HIPK2: variants seen among roughly 807,000 people sequenced by gnomAD.
HIPK2 encodes homeodomain interacting protein kinase 2, also known as homeodomain-interacting protein kinase 2.
HIPK2 carries 27 observed loss-of-function variants against 113.7 expected under a neutral mutation model. That is an observed-to-expected ratio of 0.24 (90% CI 0.17 to 0.33). The LOEUF is 0.33. Among genes scored for constraint, HIPK2 ranks in the 10% least tolerant of loss-of-function variants. The pLI is 1.00. For synonymous variants in HIPK2, 631 were observed against 642.2 expected (o/e 0.98, Z 0.26); for missense variants, 1,257 against 1,588.0 (o/e 0.79, Z 3.54).
Position 139,565,279 on chromosome 7 carries a change from ATTAG to A in HIPK2, c.*7644_*7647del, listed in dbSNP as rs1279178342. On this transcript the variant is annotated 3_prime_UTR_variant, in exon 15 of 15. Coordinates refer to ENST00000406875, the MANE Select transcript of HIPK2 (RefSeq NM_022740.5). ...AAACCAACCAGGATCTCAAACTCCG[ATTAG>A]TTAGGTTTGCTTCCAATGGAGTTAA... 6.6e-6 allele frequency: 1 copy of A among 152,162 alleles called. No individual in the cohort carries two copies. Among genetic ancestry groups the A allele is most frequent in the Non-Finnish European group, 1.5e-5 (1 of 68,026 alleles). 9.4% of individuals were successfully genotyped at this position (152,162 alleles called of 1,614,324 possible). A position where few individuals can be genotyped will look rare whatever the true frequency, so the allele number is the denominator to read the frequency against.
Position 139,596,755 on chromosome 7 carries a change from G to C in HIPK2, c.2679C>G (p.Asp893Glu). 1 of 1,613,436 alleles carries C rather than the reference G, an allele frequency of 6.2e-7. No individual in the cohort carries two copies. Among genetic ancestry groups the C allele is most frequent in the South Asian group, 1.1e-5 (1 of 91,078 alleles). The change falls in exon 12 of 15, where the codon GAC becomes GAG. Residue 893 changes from aspartate (D) to glutamate (E), a missense_variant. Asp to Glu is a conservative substitution (Grantham distance 45, BLOSUM62 2). Coordinates refer to ENST00000406875, the MANE Select transcript of HIPK2 (RefSeq NM_022740.5). ...PTVSVITISS[D>E]TDEEEEQKHA... Reference sequence around the variant, plus strand: ...GTTTCTGTTCCTCCTCCTCGTCCGTGTCACTGCTGATGGTGATGACGCTGA... The same window carrying C: ...GTTTCTGTTCCTCCTCCTCGTCCGTCTCACTGCTGATGGTGATGACGCTGA...
intron 11 of HIPK2, 130 bp downstream of exon 11, chr7:139,600,287 G>C: frequency 9.3e-7 from 1 of 1,073,668 alleles, no homozygotes; most frequent in Non-Finnish European, 1.3e-6. Context: ...GTCACTGCAG[G>C]AAGAGGAGTG....
rs760198380 is a variant in HIPK2 at position 139,596,832 on chromosome 7, G to A, written c.2602C>T (p.Arg868Trp). Reference sequence around the variant, plus strand: ...ACAATTGTCTGCCGCTGCCGTTCCCGGGTGGTGCTGGAGGCCACGTCGCCC... The same window carrying A: ...ACAATTGTCTGCCGCTGCCGTTCCCAGGTGGTGCTGGAGGCCACGTCGCCC... ...GWGDVASSTT[R>W]ERQRQTIVIP... Residue 868 changes from arginine to tryptophan, a missense_variant, in exon 12 of 15, where the codon CGG becomes TGG. By Grantham distance (101) the Arg-to-Trp change is moderately radical. Coordinates refer to ENST00000406875, the MANE Select transcript of HIPK2 (RefSeq NM_022740.5). The A allele has an allele frequency of 4.6e-5, 75 of 1,613,944 alleles. No individual in the cohort carries two copies. The East Asian group carries it at 1.4e-3, about 30-fold the overall frequency.
At chr7:139,678,403 A>G (rs1802579859) in intron 2 of HIPK2, among the ~76,000 whole-genome samples, 1 of 152,268 alleles carries the variant, frequency 6.6e-6, no homozygotes, top group African/African-American at 2.4e-5. Flanking sequence ...ATGGCTAGCC[A>G]GTTTTCCCAA....
chr7:139,707,289 AAC>A (rs1425049450), intron 2 of HIPK2, among the ~76,000 whole-genome samples: 1 of 152,244 alleles, frequency 6.6e-6, no homozygotes, highest in African/African-American at 2.4e-5. Context: ...TCTGTCCCGG[AAC>A]AAGGGCCACA....
chr7:139,708,312 T>A (rs1490213817), intron 2 of HIPK2, among the ~76,000 whole-genome samples: 1 of 152,174 alleles, frequency 6.6e-6, no homozygotes, highest in Non-Finnish European at 1.5e-5. Flanking sequence ...CCCGAACCCA[T>A]CAAGTCATGG....
intron 2 of HIPK2, 39 bp downstream of exon 2, chr7:139,715,893 G>T: frequency 1.3e-6 from 2 of 1,588,950 alleles, no homozygotes; most frequent in Non-Finnish European, 1.7e-6. Context: ...AGTGCCACTG[G>T]GCATTCAGCA....
chr7:139,583,183 T>C (rs999944533), intron 13 of HIPK2, among the ~76,000 whole-genome samples: 6 of 152,236 alleles, frequency 3.9e-5, no homozygotes, highest in African/African-American at 1.2e-4. Context: ...GCTAAATAGA[T>C]GCTACAAAAT....
In HIPK2 at chr7:139,562,234, C is replaced by T. The variant is rs1797968757; in HGVS notation, c.*10693G>A. ...TAACATGGATTAACACTTTTTATTA[C>T]AGAAACCGTACGGTGAAGGAACACA... On this transcript the variant is annotated 3_prime_UTR_variant, in exon 15 of 15. Coordinates refer to ENST00000406875, the MANE Select transcript of HIPK2 (RefSeq NM_022740.5). 2 of 152,186 alleles carry T rather than the reference C, an allele frequency of 1.3e-5. No individual in the cohort carries two copies. The highest frequency in any genetic ancestry group is 6.5e-5 in the Admixed American group (1 of 15,274). The allele number at this position is 152,186 out of a possible 1,614,324, so 9.4% of individuals were successfully genotyped here. A position where few individuals can be genotyped will look rare whatever the true frequency, so the allele number is the denominator to read the frequency against.
chr7:139,654,532 A>T (rs140026140), intron 2 of HIPK2, among the ~76,000 whole-genome samples: 2 of 151,490 alleles, frequency 1.3e-5, no homozygotes, highest in African/African-American at 4.9e-5. Flanking sequence ...CAAACAAAAA[A>T]CCCCCAAAAA....
At chr7:139,581,054 T>C (rs1008968736) in intron 13 of HIPK2, among the ~76,000 whole-genome samples, 2 of 152,036 alleles carry the variant, frequency 1.3e-5, no homozygotes, top group Non-Finnish European at 2.9e-5. Flanking sequence ...ACCCCATCTC[T>C]ACCGAAATAC....
intron 4 of HIPK2, 75 bp from the exon 5 acceptor site, chr7:139,629,114 T>G (rs1800528091): frequency 1.9e-5 from 23 of 1,209,386 alleles, no homozygotes; most frequent in Non-Finnish European, 2.5e-5. Context: ...TTGGAACTCC[T>G]GTGTCTCACA....
In HIPK2 at chr7:139,572,792, CG is replaced by C; in HGVS notation, c.*134del. The C allele has an allele frequency of 5.4e-6, 1 of 183,674 alleles. No homozygotes were observed. Among genetic ancestry groups the C allele is most frequent in the Non-Finnish European group, 1.0e-5 (1 of 97,446 alleles). 11.4% of individuals were successfully genotyped at this position (183,674 alleles called of 1,614,324 possible). ...CCCCCCCCCCCCCCCGCCCCTGCCC[CG>C]TTTGCATTGTTTGTGTGCGGCATCT... On this transcript the variant is annotated 3_prime_UTR_variant, in exon 15 of 15. Transcript: ENST00000406875.
chr7:139,573,299 G>T lies in HIPK2; in HGVS notation c.3225C>A (p.His1075Gln). Residue 1075 changes from histidine to glutamine, a missense_variant, in exon 15 of 15, where the codon CAC becomes CAA. Around this residue, in one of 5 missense-constraint regions of HIPK2, gnomAD observed 862 missense variants for 1,004.3 expected, o/e 0.86. Coordinates refer to ENST00000406875, the MANE Select transcript of HIPK2 (RefSeq NM_022740.5). Reference sequence around the variant, plus strand: ...GCACAGTGCCGTGGCTGGGGCTGTTGTGCGGGAAGGAGTACGGAGCCTGGG... The same window carrying T: ...GCACAGTGCCGTGGCTGGGGCTGTTTTGCGGGAAGGAGTACGGAGCCTGGG... ...TMAQAPYSFP[H>Q]NSPSHGTVHP... The T allele has an allele frequency of 6.2e-7, 1 of 1,605,104 alleles. No individual in the cohort carries two copies. Among genetic ancestry groups the T allele is most frequent in the Non-Finnish European group, 8.5e-7 (1 of 1,179,828 alleles).
intron 2 of HIPK2, among the ~76,000 whole-genome samples, chr7:139,668,657 GAA>G (rs1485907254): frequency 6.6e-6 from 1 of 152,046 alleles, no homozygotes; most frequent in Admixed American, 6.6e-5. Context: ...ATAAATATCT[GAA>G]GTTTGATTAG....
intron 2 of HIPK2, among the ~76,000 whole-genome samples, chr7:139,635,495 T>G (rs1445885295): frequency 6.6e-6 from 1 of 152,204 alleles, no homozygotes; most frequent in Non-Finnish European, 1.5e-5. Context: ...AGTGATGTTC[T>G]TTAGCAGGAA....
chr7:139,585,298 C>A (rs947030299), intron 12 of HIPK2, among the ~76,000 whole-genome samples: 1 of 152,170 alleles, frequency 6.6e-6, no homozygotes, highest in Non-Finnish European at 1.5e-5. Context: ...GGGAAGTGGG[C>A]AAATTCCAGA....
intron 2 of HIPK2, among the ~76,000 whole-genome samples, chr7:139,638,690 C>T (rs1005015640): frequency 1.5e-4 from 21 of 137,942 alleles, no homozygotes; most frequent in African/African-American, 6.1e-4. Flanking sequence ...CAGAGTCTCA[C>T]TCTGTTGCCC....
chr7:139,672,463 T>C (rs1427210742), intron 2 of HIPK2, among the ~76,000 whole-genome samples: 1 of 152,152 alleles, frequency 6.6e-6, no homozygotes, highest in Non-Finnish European at 1.5e-5. Flanking sequence ...AAAAAATAAT[T>C]ACAAGTAACT....
Sources: gnomAD v4.1 joint callset for allele counts (sites outside exome capture counted in the v4.1 genomes callset) on GRCh38, gnomAD v4.1.1 for gene constraint, gnomAD v4.1.1 regional missense constraint, MANE v1.5 for transcripts, NCBI Gene and HGNC (gene_info 2026-07-23, HGNC 2026-07-21) for gene names.